The following HEPHL1 variants were observed in gnomAD, a reference collection of about 807,000 sequenced individuals.
HEPHL1 encodes the protein hephaestin like 1, also known as ferroxidase HEPHL1.
HEPHL1 carries 123 observed loss-of-function variants against 122.0 expected under a neutral mutation model. That is an observed-to-expected ratio of 1.01 (90% CI 0.87 to 1.17). The LOEUF (loss-of-function observed/expected upper bound fraction) is 1.17. Ranked by LOEUF, HEPHL1 falls within the 50% of genes most tolerant of loss-of-function variation. The pLI is 0.00. For missense variants in HEPHL1, 1,452 were observed against 1,430.5 expected (o/e 1.01, Z -0.24); for synonymous variants, 527 against 508.9 (o/e 1.04, Z -0.48).
At chr11:94,056,657 T>TTATC (rs1555061044) in intron 2 of HEPHL1, among the ~76,000 whole-genome samples, 1,336 of 111,860 alleles carry the variant, frequency 0.012, 21 homozygotes, top group African/African-American at 0.04. Flanking sequence ...CTATTATTGA[T>TTATC]TATCTATCTA....
chr11:94,111,639 A>G (rs764013598), intron 19 of HEPHL1, 34 bp downstream of exon 19: 15 of 1,608,826 alleles, frequency 9.3e-6, no homozygotes, highest in Non-Finnish European at 1.3e-5. Flanking sequence ...AAATGAGTCA[A>G]CATTTCACCC....
At chr11:94,052,459 G>A (rs752722154) in intron 2 of HEPHL1, among the ~76,000 whole-genome samples, 1 of 151,634 alleles carries the variant, frequency 6.6e-6, no homozygotes, top group Non-Finnish European at 1.5e-5. Flanking sequence ...GATTTTGTAT[G>A]TTGATTTTGT....
chr11:94,028,628 C>T (rs1333999958), intron 1 of HEPHL1, among the ~76,000 whole-genome samples: 2 of 152,186 alleles, frequency 1.3e-5, no homozygotes, highest in Non-Finnish European at 2.9e-5. Flanking sequence ...AGGAAGTAGA[C>T]ACCTCCTTAG....
intron 2 of HEPHL1, among the ~76,000 whole-genome samples, chr11:94,062,083 T>C (rs2134426157): frequency 6.6e-6 from 1 of 152,254 alleles, no homozygotes; most frequent in East Asian, 1.9e-4. Context: ...AAGTGGCTCA[T>C]ATTCTTTTTA....
At chr11:94,069,418 G>A (rs1946057676) in intron 5 of HEPHL1, among the ~76,000 whole-genome samples, 1 of 151,988 alleles carries the variant, frequency 6.6e-6, no homozygotes, top group Non-Finnish European at 1.5e-5. Flanking sequence ...ACTGGATCTG[G>A]CCCCTATAAA....
At chr11:94,052,540 A>C (rs1283892949) in intron 2 of HEPHL1, among the ~76,000 whole-genome samples, 1 of 152,110 alleles carries the variant, frequency 6.6e-6, no homozygotes, top group African/African-American at 2.4e-5. Context: ...TCCAAATGTA[A>C]GATTATATCA....
At chr11:94,059,470 G>A (rs186595101) in intron 2 of HEPHL1, among the ~76,000 whole-genome samples, 1 of 152,236 alleles carries the variant, frequency 6.6e-6, no homozygotes, top group East Asian at 1.9e-4. Flanking sequence ...TTATGAATGA[G>A]CTTAATTCTC....
chr11:94,094,041 C>A (rs1167800152), intron 13 of HEPHL1, among the ~76,000 whole-genome samples: 5 of 132,608 alleles, frequency 3.8e-5, no homozygotes, highest in African/African-American at 1.4e-4. Context: ...GGTACATGTG[C>A]ACCACCTGCA....
At chr11:94,039,290 C>A (rs2134410732) in intron 1 of HEPHL1, among the ~76,000 whole-genome samples, 1 of 151,178 alleles carries the variant, frequency 6.6e-6, no homozygotes, top group African/African-American at 2.4e-5. Flanking sequence ...TAACACCTCA[C>A]TGTCAACATT....
rs1429182119 is a variant in HEPHL1 at position 94,106,000 on chromosome 11, G to A, written c.2915G>A (p.Gly972Glu). 1.3e-6 allele frequency: 2 copies of A among 1,572,056 alleles called. No individual in the cohort carries two copies. The highest frequency in any genetic ancestry group is 1.7e-6 in the Non-Finnish European group (2 of 1,154,718). Residue 972 changes from glycine (G) to glutamate (E), a missense_variant, in exon 17 of 20, where the codon GGA becomes GAA. Physicochemically the swap from Gly to Glu is moderately conservative, Grantham distance 98. Coordinates refer to ENST00000315765, the MANE Select transcript of HEPHL1 (RefSeq NM_001098672.2). ...TTATCACCTTTTAAAGCCATTAATG[G>A]AAAGATTTTTGGGAATCTCCATGGC... ...EESNRMHAINGKIFGNLHGLI... is the reference protein window; with the variant it reads ...EESNRMHAINEKIFGNLHGLI...
At chr11:94,096,631 G>C (rs188981190) in intron 13 of HEPHL1, among the ~76,000 whole-genome samples, 1 of 152,168 alleles carries the variant, frequency 6.6e-6, no homozygotes, top group Non-Finnish European at 1.5e-5. Flanking sequence ...GAATTCGGCT[G>C]TAAATATGTC....
At chr11:94,077,954 A>G (rs1946139587) in intron 9 of HEPHL1, among the ~76,000 whole-genome samples, 1 of 152,120 alleles carries the variant, frequency 6.6e-6, no homozygotes, top group East Asian at 1.9e-4. Flanking sequence ...TTTCTTTTAT[A>G]TCACCTGATT....
intron 9 of HEPHL1, among the ~76,000 whole-genome samples, chr11:94,077,058 AT>A (rs1388247868): frequency 2.6e-5 from 4 of 152,108 alleles, no homozygotes; most frequent in African/African-American, 7.2e-5. Flanking sequence ...ATTTGATCTC[AT>A]TTGCTTTATT....
intron 1 of HEPHL1, among the ~76,000 whole-genome samples, chr11:94,032,763 A>G (rs1251254758): frequency 6.6e-6 from 1 of 152,128 alleles, no homozygotes; most frequent in Non-Finnish European, 1.5e-5. Context: ...CTCCCTATAG[A>G]TAGAAAAAAC....
intron 13 of HEPHL1, among the ~76,000 whole-genome samples, chr11:94,093,977 T>C (rs879297785): frequency 1.6e-5 from 1 of 61,216 alleles, no homozygotes; most frequent in African/African-American, 1.1e-4. Flanking sequence ...AGCAGATATA[T>C]ATATATATAT....
intron 11 of HEPHL1, 26 bp downstream of exon 11, chr11:94,086,215 T>C (rs765551995): frequency 1.3e-6 from 2 of 1,553,200 alleles, no homozygotes; most frequent in South Asian, 2.3e-5. Context: ...CCATCTCAGG[T>C]GACCAGATTT....
At chr11:94,076,711 T>C (rs1053220092) in intron 9 of HEPHL1, among the ~76,000 whole-genome samples, 7 of 152,300 alleles carry the variant, frequency 4.6e-5, no homozygotes, top group South Asian at 2.1e-4. Context: ...GAGTTACTTA[T>C]GAAATACCTG....
At chr11:94,099,086 A>T (rs935557086) in intron 13 of HEPHL1, among the ~76,000 whole-genome samples, 1 of 151,818 alleles carries the variant, frequency 6.6e-6, no homozygotes, top group Non-Finnish European at 1.5e-5. Context: ...GGGGAGAGGC[A>T]CTCTGATTTT....
intron 11 of HEPHL1, among the ~76,000 whole-genome samples, chr11:94,086,743 A>G (rs1946221604): frequency 6.6e-6 from 1 of 152,206 alleles, no homozygotes; most frequent in East Asian, 1.9e-4. Flanking sequence ...AGACCCCTGT[A>G]TAATGCCAGT....
Sources: allele counts gnomAD v4.1 joint callset (sites outside exome capture counted in the v4.1 genomes callset), GRCh38; gene constraint gnomAD v4.1.1; transcripts MANE v1.5; gene names NCBI Gene and HGNC (gene_info 2026-07-23, HGNC 2026-07-21).